Variants in FBRSL1 observed in about 807,000 individuals in gnomAD.
FBRSL1 encodes fibrosin-1-like protein.
In FBRSL1, 51 loss-of-function variants were observed where a neutral mutation model predicts 89.6. That is an observed-to-expected ratio of 0.57 (90% CI 0.45 to 0.72). The LOEUF is 0.72. Among genes scored for constraint, FBRSL1 ranks in the 30% least tolerant of loss-of-function variants. The pLI, the probability that FBRSL1 is intolerant of heterozygous loss-of-function variation, is 0.00. For synonymous variants in FBRSL1, 779 were observed against 681.1 expected (o/e 1.14, Z -2.24); for missense variants, 1,618 against 1,451.8 (o/e 1.11, Z -1.86).
intron 5 of FBRSL1, among the ~76,000 whole-genome samples, chr12:132,555,734 G>GCCC (rs932405162): frequency 6.6e-6 from 1 of 152,140 alleles, no homozygotes; most frequent in Admixed American, 6.5e-5. Context: ...TCCTCACATG[G>GCCC]CCCCTCCTGT....
chr12:132,568,051 G>A (rs796389731), intron 6 of FBRSL1, among the ~76,000 whole-genome samples: 9 of 148,204 alleles, frequency 6.1e-5, no homozygotes, highest in African/African-American at 1.8e-4. Flanking sequence ...GGGTAGCCCC[G>A]GCGTCTTAGG....
intron 5 of FBRSL1, among the ~76,000 whole-genome samples, chr12:132,549,049 G>A (rs1460619134): frequency 6.6e-6 from 1 of 152,202 alleles, no homozygotes; most frequent in African/African-American, 2.4e-5. Flanking sequence ...GGGCCCGGTG[G>A]GGGTCCAGAT....
At chr12:132,557,338 G>A (rs538043585) in intron 5 of FBRSL1, among the ~76,000 whole-genome samples, 51 of 152,250 alleles carry the variant, frequency 3.3e-4, no homozygotes, top group African/African-American at 1.2e-3. Context: ...TTCTTCCCCC[G>A]GATAATCTAT....
intron 2 of FBRSL1, among the ~76,000 whole-genome samples, chr12:132,508,625 G>A (rs1047062464): frequency 2.0e-5 from 3 of 152,232 alleles, no homozygotes; most frequent in Non-Finnish European, 2.9e-5. Flanking sequence ...GGGCTGGGGC[G>A]CCAAGCTGAT....
chr12:132,549,951 G>A lies in FBRSL1; in HGVS notation c.645+1919G>A, dbSNP rs536049453. 9.2e-5 allele frequency among the ~76,000 whole-genome samples: 14 copies of A among 152,312 alleles called. No homozygotes were observed. In the East Asian group the frequency reaches 1.9e-3, roughly 21 times the overall value. ...ACACTGGGGCGTTTATTTCTGAGAC[G>A]CCCAAGCAGCCCCAGGGGAGATGAC... On this transcript the variant is annotated intron_variant, in intron 5 of 18. Transcript: ENST00000680143.
At chr12:132,509,287 C>G in intron 2 of FBRSL1, 2 of 1,253,056 alleles carry the variant, frequency 1.6e-6, no homozygotes, top group Non-Finnish European at 2.0e-6. Flanking sequence ...CTCCCAGCCC[C>G]GTCGGCACTC....
intron 5 of FBRSL1, chr12:132,565,545 G>GAGTGTGCTCACGTACACATACCCA (rs6144938): frequency 1.3e-5 from 2 of 151,866 alleles, no homozygotes; most frequent in Non-Finnish European, 2.9e-5. Flanking sequence ...ACACGTACCC[G>GAGTGTGCTCACGTACACATACCCA]AGTGTGCCCA....
chr12:132,557,017 C>T (rs980458352), intron 5 of FBRSL1, among the ~76,000 whole-genome samples: 5 of 152,128 alleles, frequency 3.3e-5, no homozygotes, highest in Non-Finnish European at 7.4e-5. Flanking sequence ...AGGTTGGGTG[C>T]CCCCCAGGGT....
intron 10 of FBRSL1, 90 bp downstream of exon 10, chr12:132,572,434 C>T (rs1280964786): frequency 8.6e-6 from 13 of 1,508,578 alleles, no homozygotes; most frequent in East Asian, 4.9e-5. Context: ...CGCCTGGCCT[C>T]GCCCCTGCTG....
rs978554849 is a variant in FBRSL1, at chr12:132,577,222, T to TG, written c.1834+297dup. ...CCACCAAGTCCTGCCCAGTGTGTCC[T>TG]GGGGGGCCTTCAGCCCACGCCACAC... is the stretch of plus-strand genomic sequence containing the variant. On this transcript the variant is annotated intron_variant, in intron 15 of 18. Coordinates refer to ENST00000680143, the MANE Select transcript of FBRSL1 (RefSeq NM_001367871.1). Among the ~76,000 whole-genome samples the TG allele has an allele frequency of 6.6e-5, 10 of 151,808 alleles. No homozygotes were observed. The East Asian group carries it at 1.6e-3, about 24-fold the overall frequency.
At position 132,576,792 on chromosome 12, in the gene FBRSL1, C is replaced by T; in HGVS notation, c.1702-7C>T. On this transcript the variant is annotated splice_polypyrimidine_tract_variant and splice_region_variant and intron_variant, in intron 14 of 18. Coordinates refer to ENST00000680143, the MANE Select transcript of FBRSL1 (RefSeq NM_001367871.1). Reference sequence around the variant, plus strand: ...GCAGGCGGCCCTCACCCGTTCTATCCTCCCAGGAGATGCAGCTGGACCCCC... The same window carrying T: ...GCAGGCGGCCCTCACCCGTTCTATCTTCCCAGGAGATGCAGCTGGACCCCC... 1 of 1,550,410 alleles carries T rather than the reference C, an allele frequency of 6.4e-7. No homozygotes were observed. The highest frequency in any genetic ancestry group is 8.7e-7 in the Non-Finnish European group (1 of 1,146,586).
intron 15 of FBRSL1, chr12:132,581,055 G>C: frequency 1.0e-6 from 1 of 985,460 alleles, no homozygotes; most frequent in Non-Finnish European, 1.2e-6. Context: ...AAGAAGTGAG[G>C]ACCATCTATC....
At chr12:132,565,545 G>GAGTGTGCTCACATACACGTACCCA (rs6144938) in intron 5 of FBRSL1, 2 of 151,866 alleles carry the variant, frequency 1.3e-5, no homozygotes, top group Admixed American at 6.5e-5. Flanking sequence ...ACACGTACCC[G>GAGTGTGCTCACATACACGTACCCA]AGTGTGCCCA....
intron 18 of FBRSL1, 43 bp downstream of exon 18, chr12:132,582,309 C>T: frequency 6.7e-7 from 1 of 1,497,832 alleles, no homozygotes; most frequent in South Asian, 1.2e-5. Flanking sequence ...CACACCCCTA[C>T]CCCGTTCTTT....
chr12:132,547,175 TCG>T (rs2037761222), intron 4 of FBRSL1, among the ~76,000 whole-genome samples: 2 of 151,930 alleles, frequency 1.3e-5, no homozygotes, highest in Admixed American at 1.3e-4. Flanking sequence ...AGTGTGTTCT[TCG>T]TAGGGCTCTG....
At chr12:132,575,050 C>T (rs1243864144) in intron 14 of FBRSL1, among the ~76,000 whole-genome samples, 2 of 151,992 alleles carry the variant, frequency 1.3e-5, no homozygotes, top group East Asian at 1.9e-4. Flanking sequence ...CTAGGAGCTG[C>T]GGGAGCGGGA....
chr12:132,581,768 G>C lies in FBRSL1; in HGVS notation c.1940G>C (p.Gly647Ala), dbSNP rs924566654. 1.3e-6 allele frequency: 2 copies of C among 1,549,804 alleles called. No individual in the cohort carries two copies. The highest frequency in any genetic ancestry group is 1.4e-5 in the African/African-American group (1 of 73,022). Reference protein sequence around the residue: ...TDPFSRPSTFGGLGSLSSHAF... With the variant: ...TDPFSRPSTFAGLGSLSSHAF... ...CCTTTCAGCAGACCGAGCACCTTTG[G>C]GGGCCTGGGCAGCCTGAGCAGCCAC... The change falls in exon 17 of 19, where the codon GGG becomes GCG. Residue 647 changes from glycine (G) to alanine (A), a missense_variant. Gly to Ala is a moderately conservative substitution (Grantham distance 60, BLOSUM62 0). Coordinates refer to ENST00000680143, the MANE Select transcript of FBRSL1 (RefSeq NM_001367871.1).
rs951012059 is a variant in FBRSL1, at chr12:132,529,176, C to T, written c.615+1188C>T. Among the ~76,000 whole-genome samples, 11 of 152,298 alleles carry T rather than the reference C, an allele frequency of 7.2e-5. No homozygotes were observed. In the South Asian group the frequency reaches 8.3e-4, roughly 11 times the overall value. On this transcript the variant is annotated intron_variant, in intron 4 of 18. Transcript: ENST00000680143. ...CCTGCAGCCCCCGAAATTTCCAGGCCGTAGAGGCTCCCTCACTAAACCACA... is the reference window on the plus strand; with the variant it reads ...CCTGCAGCCCCCGAAATTTCCAGGCTGTAGAGGCTCCCTCACTAAACCACA...
chr12:132,564,056 T>C (rs1443809679), intron 5 of FBRSL1, among the ~76,000 whole-genome samples: 2 of 152,144 alleles, frequency 1.3e-5, no homozygotes, highest in Non-Finnish European at 2.9e-5. Flanking sequence ...GCGTGCTCTT[T>C]GTGGTCTGGC....
Sources: allele counts gnomAD v4.1 joint callset (sites outside exome capture counted in the v4.1 genomes callset), GRCh38; gene constraint gnomAD v4.1.1; transcripts MANE v1.5; gene names NCBI Gene and HGNC (gene_info 2026-07-23, HGNC 2026-07-21).